The following TOPORS variants were observed in gnomAD, a reference collection of about 807,000 sequenced individuals.
TOPORS encodes the protein E3 ubiquitin-protein ligase Topors.
A neutral mutation model predicts 81.4 loss-of-function variants in TOPORS; 25 were observed. The ratio of observed to expected loss-of-function variants is 0.31; its 90% CI spans 0.22 to 0.43. The LOEUF is 0.43. TOPORS is among the 20% of genes least tolerant of loss of function. The pLI is 1.00. For missense variants in TOPORS, 1,101 were observed against 1,267.0 expected, an observed-to-expected ratio of 0.87 and a Z score of 1.99; for synonymous variants, 473 against 456.6, an observed-to-expected ratio of 1.04 and a Z score of -0.46.
chr9:32,541,127 TA>T lies in TOPORS; in HGVS notation c.*259del. 3.2e-6 allele frequency: 1 copy of T among 308,272 alleles called. No homozygotes were observed. Among genetic ancestry groups the T allele is most frequent in the Non-Finnish European group, 6.0e-6 (1 of 165,508 alleles). 19.1% of individuals were successfully genotyped at this position (308,272 alleles called of 1,614,324 possible). On this transcript the variant is annotated 3_prime_UTR_variant, in exon 3 of 3. Transcript: ENST00000360538. ...TAAAATTTATATAATTTTTCTTATT[TA>T]AAAAGGACCCCAAGTTTTAAATAAG...
chr9:32,541,640 A>G lies in TOPORS; in HGVS notation c.2885T>C (p.Leu962Pro). The G allele has an allele frequency of 1.2e-6, 2 of 1,614,204 alleles. No individual in the cohort carries two copies. The highest frequency in any genetic ancestry group is 4.5e-5 in the East Asian group (2 of 44,882). The stretch of plus-strand genomic sequence containing the variant: ...TGTGGCAATATCACATTCCTTGTCC[A>G]GCACACCAAATTCAGCTTCTATTGT... ...VVTIEAEFGV[L>P]DKECDIATLS... The change falls in exon 3 of 3, where the codon CTG (leucine) becomes CCG (proline). Residue 962 changes from leucine to proline, a missense_variant. Physicochemically the swap from Leu to Pro is moderately conservative, Grantham distance 98. Transcript: ENST00000360538.
intron 2 of TOPORS, among the ~76,000 whole-genome samples, chr9:32,545,842 C>G (rs1004972151): frequency 6.6e-6 from 1 of 152,148 alleles, no homozygotes; most frequent in Non-Finnish European, 1.5e-5. Flanking sequence ...TCCTTTATCA[C>G]AGGAGGTTCC....
chr9:32,552,235 C>A (rs1269575950), intron 1 of TOPORS, 199 bp downstream of exon 1: 2 of 675,978 alleles, frequency 3.0e-6, no homozygotes, highest in Non-Finnish European at 2.6e-6. Flanking sequence ...CTCTAAAAGG[C>A]GGGCAAGGCC....
At chr9:32,547,359 C>A (rs1821153662) in intron 2 of TOPORS, among the ~76,000 whole-genome samples, 1 of 151,662 alleles carries the variant, frequency 6.6e-6, no homozygotes, top group Admixed American at 6.6e-5. Flanking sequence ...CTAGATATAC[C>A]CAAGGGAAAC....
At chr9:32,551,715 C>A in intron 1 of TOPORS, 1 of 396,998 alleles carries the variant, frequency 2.5e-6, no homozygotes, top group South Asian at 1.7e-5. Context: ...CACCAAACTG[C>A]CGTGCTCGGG....
In TOPORS at chr9:32,542,011, A is replaced by G; in HGVS notation, c.2514T>C (p.Asn838=). ...GGCTGTCTGAAAAGGTATCACTCTC[A>G]TTTTTGTAGTTTCCATCCAATTTTG... ...SSSKLDGNYK[N]ESDTFSDSRS... Residue 838 remains asparagine (N), a synonymous_variant, in exon 3 of 3, where the codon AAT becomes AAC. Coordinates refer to ENST00000360538, the MANE Select transcript of TOPORS (RefSeq NM_005802.5). 6.2e-7 allele frequency: 1 copy of G among 1,613,702 alleles called. No homozygotes were observed. Among genetic ancestry groups the G allele is most frequent in the Non-Finnish European group, 8.5e-7 (1 of 1,179,972 alleles).
chr9:32,544,419 T>A, intron 2 of TOPORS, 93 bp from the exon 3 acceptor site: 3 of 1,326,914 alleles, frequency 2.3e-6, no homozygotes, highest in Non-Finnish European at 2.1e-6. Context: ...TTGAAACTTA[T>A]TTTGGTGAAA....
rs2118966836 is a variant in TOPORS, at chr9:32,542,643, G to A, written c.1882C>T (p.Arg628Ter). The change falls in exon 3 of 3, where the codon CGA (arginine) becomes TGA (stop). Residue 628 changes from arginine (R) to a stop codon, truncating the protein, a stop_gained. Coordinates refer to ENST00000360538, the MANE Select transcript of TOPORS (RefSeq NM_005802.5). LOFTEE classifies it high-confidence loss of function. ...CTGCTACTTTCCCTGCTTCTGGATC[G>A]TTTACTTTTCATTCTTTTCTTCCCA... ...HHGKKRMKSK[R>*]SRSRESSRPR... The A allele has an allele frequency of 6.2e-7, 1 of 1,613,868 alleles. No individual in the cohort carries two copies.
In TOPORS at chr9:32,540,768, T is replaced by C. The variant is rs1821044468; in HGVS notation, c.*619A>G. On this transcript the variant is annotated 3_prime_UTR_variant, in exon 3 of 3. Transcript: ENST00000360538. ...AAAAAATACTGCATAGGAAAATGTC[T>C]GATTCTTGTTTTAAAGTGTTACTGT... The C allele has an allele frequency of 2.6e-5, 4 of 152,668 alleles. No individual in the cohort carries two copies. The highest frequency in any genetic ancestry group is 9.6e-5 in the African/African-American group (4 of 41,468). 9.5% of individuals were successfully genotyped at this position (152,668 alleles called of 1,614,324 possible). A position where few individuals can be genotyped will look rare whatever the true frequency, so the allele number is the denominator to read the frequency against.
intron 2 of TOPORS, among the ~76,000 whole-genome samples, chr9:32,544,757 A>C (rs1216163834): frequency 1.3e-5 from 2 of 152,198 alleles, no homozygotes; most frequent in Non-Finnish European, 2.9e-5. Flanking sequence ...ATATAAAAAA[A>C]AAAAGTACCA....
Position 32,544,201 on chromosome 9 carries a change from A to G in TOPORS, c.324T>C (p.Asp108=). The change falls in exon 3 of 3, where the codon GAT becomes GAC. Residue 108 remains aspartate (D), a synonymous_variant. Transcript: ENST00000360538. ...CTAAGTAAGACACATTATCAAATCT[A>G]TCCAAGCATATAGGACACTTAGAAT... The part of the protein sequence containing the change: ...SPDSKCPICL[D]RFDNVSYLDR... 1.2e-6 allele frequency: 2 copies of G among 1,612,932 alleles called. No individual in the cohort carries two copies. Among genetic ancestry groups the G allele is most frequent in the Non-Finnish European group, 1.7e-6 (2 of 1,180,012 alleles).
Position 32,543,437 on chromosome 9 carries a change from A to G in TOPORS, c.1088T>C (p.Phe363Ser), listed in dbSNP as rs754694729. The part of the protein sequence containing the change: ...HEFISFARSP[F>S]NMAAFDQHAN... ...ATGCTGGTCAAAGGCTGCCATGTTA[A>G]AAGGAGATCGGGCAAAACTGATAAA... The change falls in exon 3 of 3, where the codon TTT (phenylalanine) becomes TCT (serine). Residue 363 changes from phenylalanine (F) to serine (S), a missense_variant. By Grantham distance (155) the Phe-to-Ser change is radical. Transcript: ENST00000360538. This position sits in a 1 kb window ranked among gnomAD's most constrained non-coding sequence, Gnocchi z 5.6. The G allele has an allele frequency of 1.9e-6, 3 of 1,613,986 alleles. No individual in the cohort carries two copies. Among genetic ancestry groups the G allele is most frequent in the Non-Finnish European group, 2.5e-6 (3 of 1,179,970 alleles).
chr9:32,542,545 C>T lies in TOPORS; in HGVS notation c.1980G>A (p.Leu660=), dbSNP rs1355177207. 6.2e-7 allele frequency: 1 copy of T among 1,614,104 alleles called. No individual in the cohort carries two copies. The highest frequency in any genetic ancestry group is 1.1e-5 in the South Asian group (1 of 91,080). Residue 660 remains leucine (L), a synonymous_variant, in exon 3 of 3, where the codon CTG becomes CTA. Coordinates refer to ENST00000360538, the MANE Select transcript of TOPORS (RefSeq NM_005802.5). ...DSSWSRRSQT[L]SLSSESTSRS... is the part of the protein sequence containing the mutation. ...TGCTTGTGCTTTCACTACTTAGAGA[C>T]AGAGTTTGGCTTCTTCTGGACCAAC...
rs374964544 is a variant in TOPORS, at chr9:32,543,611, G to A, written c.914C>T (p.Thr305Ile). ...RLVPWLKRELTVLFGAHGSLV... is the reference protein window; with the variant it reads ...RLVPWLKRELIVLFGAHGSLV... ...AGATCCATGAGCTCCAAAAAGAACTGTAAGTTCACGTTTTAACCAGGGGAC... is the reference window on the plus strand; with the variant it reads ...AGATCCATGAGCTCCAAAAAGAACTATAAGTTCACGTTTTAACCAGGGGAC... Residue 305 changes from threonine to isoleucine, a missense_variant, in exon 3 of 3, where the codon ACA becomes ATA. Transcript: ENST00000360538. This position sits in a 1 kb window ranked among gnomAD's most constrained non-coding sequence, Gnocchi z 5.6. 1.9e-6 allele frequency: 3 copies of A among 1,611,374 alleles called. No individual in the cohort carries two copies. The highest frequency in any genetic ancestry group is 2.7e-5 in the African/African-American group (2 of 74,772).
At chr9:32,550,568 T>G (rs569418423) in intron 2 of TOPORS, among the ~76,000 whole-genome samples, 91 of 152,214 alleles carry the variant, frequency 6.0e-4, no homozygotes, top group African/African-American at 2.0e-3. Context: ...GGAGCGCTTG[T>G]GGGAAGCGCA....
intron 2 of TOPORS, among the ~76,000 whole-genome samples, chr9:32,545,837 T>A (rs906985989): frequency 1.3e-5 from 2 of 152,154 alleles, no homozygotes; most frequent in African/African-American, 4.8e-5. Flanking sequence ...CCACCTCCTT[T>A]ATCACAGGAG....
intron 1 of TOPORS, chr9:32,551,499 C>T (rs1007964903): frequency 7.5e-6 from 2 of 267,344 alleles, no homozygotes; most frequent in Admixed American, 9.3e-5. Flanking sequence ...CCTAACAAAA[C>T]AGGGCCTGGA....
At chr9:32,550,659 C>G (rs1821222368) in intron 2 of TOPORS, 115 bp downstream of exon 2, 2 of 1,220,862 alleles carry the variant, frequency 1.6e-6, no homozygotes, top group East Asian at 2.5e-5. Context: ...GAGGCCCGGA[C>G]AGCCCCGCAG....
rs1400008301 is a variant in TOPORS at position 32,541,997 on chromosome 9, A to G, written c.2528T>C (p.Phe843Ser). The G allele has an allele frequency of 2.5e-6, 4 of 1,613,898 alleles. No individual in the cohort carries two copies. Among genetic ancestry groups the G allele is most frequent in the Non-Finnish European group, 3.4e-6 (4 of 1,179,998 alleles). Residue 843 changes from phenylalanine (F) to serine (S), a missense_variant, in exon 3 of 3, where the codon TTT becomes TCT. This residue lies in a region of TOPORS where 605 missense variants were observed against 636.1 expected (regional missense o/e 0.95). Coordinates refer to ENST00000360538, the MANE Select transcript of TOPORS (RefSeq NM_005802.5). ...DGNYKNESDT[F>S]SDSRSSDRET... Reference sequence around the variant, plus strand: ...TCTGTCTGATGATCGGCTGTCTGAAAAGGTATCACTCTCATTTTTGTAGTT... The same window carrying G: ...TCTGTCTGATGATCGGCTGTCTGAAGAGGTATCACTCTCATTTTTGTAGTT...
Sources: gnomAD v4.1 joint callset for allele counts (sites outside exome capture counted in the v4.1 genomes callset) on GRCh38, gnomAD v4.1.1 for gene constraint, gnomAD v4.1.1 regional missense constraint, Gnocchi (gnomAD v3.1) non-coding constraint, MANE v1.5 for transcripts, NCBI Gene and HGNC (gene_info 2026-07-23, HGNC 2026-07-21) for gene names.